The following TFR2 variants were observed in gnomAD, a reference collection of about 807,000 sequenced individuals.
TFR2 encodes the protein transferrin receptor protein 2.
A neutral mutation model predicts 91.9 loss-of-function variants in TFR2; 64 were observed. That is an observed-to-expected ratio of 0.70 (90% CI 0.57 to 0.86). The LOEUF is 0.86. TFR2 is among the 40% of genes least tolerant of loss of function. The pLI, the probability that TFR2 is intolerant of heterozygous loss-of-function variation, is 0.00. For missense variants in TFR2, 950 were observed against 1,080.5 expected, an observed-to-expected ratio of 0.88 and a Z score of 1.69; for synonymous variants, 454 against 459.6, an observed-to-expected ratio of 0.99 and a Z score of 0.15.
At chr7:100,632,937 C>A in intron 6 of TFR2, 64 bp downstream of exon 6, 1 of 1,613,130 alleles carries the variant, frequency 6.2e-7, no homozygotes, top group Non-Finnish European at 8.5e-7. Context: ...CTGAACGATT[C>A]TCACTGGCAG....
At position 100,627,279 on chromosome 7, in the gene TFR2, G is replaced by T. The variant is rs1209127610; in HGVS notation, c.1980C>A (p.Phe660Leu). Residue 660 changes from phenylalanine to leucine, a missense_variant, in exon 16 of 18, where the codon TTC (phenylalanine) becomes TTA (leucine). Physicochemically the swap from Phe to Leu is conservative, Grantham distance 22. Transcript: ENST00000223051. ...VLRHIGNLNE[F>L]SGDLKARGLT... ...CCTCTTGAACCTTGAGGTCCCCAGA[G>T]AACTCGTTGAGGTTCCCGATGTGCC... 1.3e-6 allele frequency: 2 copies of T among 1,549,206 alleles called. No individual in the cohort carries two copies. Among genetic ancestry groups the T allele is most frequent in the Non-Finnish European group, 1.7e-6 (2 of 1,146,766 alleles).
chr7:100,623,887 CAAAAA>C (rs36052130), intron 17 of TFR2, among the ~76,000 whole-genome samples: 33 of 96,456 alleles, frequency 3.4e-4, no homozygotes, highest in East Asian at 6.3e-4. Context: ...CCTTCTCTAC[CAAAAA>C]AAAAAAAAAA....
rs78509411 is a variant in TFR2 at position 100,631,996 on chromosome 7, A to G, written c.967-51T>C. On this transcript the variant is annotated intron_variant, in intron 7 of 17. Coordinates refer to ENST00000223051, the MANE Select transcript of TFR2 (RefSeq NM_003227.4). ...AAGCTGCGAGCTGGGCTTCCAGGAA[A>G]AACGAAAAACATGCCAGCCCTATTC... 169 of 1,614,080 alleles carry G rather than the reference A, an allele frequency of 1.0e-4. No individual in the cohort carries two copies. The East Asian group carries it at 3.7e-3, about 35-fold the overall frequency.
Position 100,626,798 on chromosome 7 carries a change from G to T in TFR2, c.2101C>A (p.Arg701=), listed in dbSNP as rs946552921. The part of the protein sequence containing the change: ...EIYSSEERDE[R]LTRMYNVRIM... ...CGCACGTTGTACATGCGTGTCAGTCGCTCGTCTCTCTCCTCCGAGCTGTAG... is the reference window on the plus strand; with the variant it reads ...CGCACGTTGTACATGCGTGTCAGTCTCTCGTCTCTCTCCTCCGAGCTGTAG... The change falls in exon 17 of 18, where the codon CGA becomes AGA. Residue 701 remains arginine (R), a synonymous_variant. Transcript: ENST00000223051. 58 of 1,548,268 alleles carry T rather than the reference G, an allele frequency of 3.7e-5. No homozygotes were observed. The highest frequency in any genetic ancestry group is 6.8e-5 in the African/African-American group (5 of 73,036).
rs767397462 is a variant in TFR2 at position 100,633,102 on chromosome 7, A to G, written c.748T>C (p.Tyr250His). ...NVTGELVYAH[Y>H]GRPEDLQDLR... Reference sequence around the variant, plus strand: ...TCCTGCAGGTCTTCGGGCCGCCCGTAGTGGGCGTACACCAGCTCTCCCTGG... The same window carrying G: ...TCCTGCAGGTCTTCGGGCCGCCCGTGGTGGGCGTACACCAGCTCTCCCTGG... Residue 250 changes from tyrosine to histidine, a missense_variant, in exon 6 of 18, where the codon TAC (tyrosine) becomes CAC (histidine). Transcript: ENST00000223051. 7 of 1,613,488 alleles carry G rather than the reference A, an allele frequency of 4.3e-6. No homozygotes were observed. The highest frequency in any genetic ancestry group is 5.1e-6 in the Non-Finnish European group (6 of 1,179,910).
At chr7:100,637,941 C>T (rs1252907151) in intron 3 of TFR2, among the ~76,000 whole-genome samples, 4 of 151,842 alleles carry the variant, frequency 2.6e-5, no homozygotes, top group African/African-American at 9.7e-5. Flanking sequence ...AAGCGATTCT[C>T]CTGCTTCAGC....
intron 16 of TFR2, 82 bp from the exon 17 acceptor site, chr7:100,626,985 C>T (rs1348981453): frequency 6.7e-7 from 1 of 1,482,046 alleles, no homozygotes; most frequent in Non-Finnish European, 8.9e-7. Flanking sequence ...CCCCGCCTAG[C>T]ATGGGGAAGG....
chr7:100,641,354 G>GGGGGGGGGGGGGGGGC, intron 1 of TFR2, 123 bp downstream of exon 1: 3 of 570,578 alleles, frequency 5.3e-6, no homozygotes, highest in Admixed American at 2.3e-5. Flanking sequence ...TGGGGGAGGG[G>GGGGGGGGGGGGGGGGC]CAGGGGTGGG....
Position 100,631,305 on chromosome 7 carries a change from CTTTTTTTTTT to C in TFR2, c.1107-263_1107-254del, listed in dbSNP as rs542161282. The stretch of plus-strand genomic sequence containing the variant: ...AGGCTGTGTCCATCCAGAAGAGTCA[CTTTTTTTTTT>C]TTTTTTTTTTTTTTTAAAGAGTCAG... On this transcript the variant is annotated intron_variant, in intron 8 of 17. Coordinates refer to ENST00000223051, the MANE Select transcript of TFR2 (RefSeq NM_003227.4). 1.5e-3 allele frequency among the ~76,000 whole-genome samples: 140 copies of C among 95,698 alleles called. 3 individuals are homozygous for C. Among genetic ancestry groups the C allele is most frequent in the South Asian group, 2.8e-3 (7 of 2,492 alleles). 62.8% of individuals were successfully genotyped at this position (95,698 alleles called of 152,430 possible). A position where few individuals can be genotyped will look rare whatever the true frequency, so the allele number is the denominator to read the frequency against.
intron 17 of TFR2, among the ~76,000 whole-genome samples, chr7:100,625,032 G>A (rs933495032): frequency 2.7e-5 from 4 of 150,746 alleles, no homozygotes; most frequent in East Asian, 1.9e-4. Context: ...CTGAGCCTGA[G>A]TCATGCATCT....
At chr7:100,632,306 G>A (rs2131318958) in intron 6 of TFR2, 108 bp from the exon 7 acceptor site, 4 of 1,048,102 alleles carry the variant, frequency 3.8e-6, no homozygotes, top group East Asian at 2.4e-5. Context: ...TCCATCCCAC[G>A]GAGAGGATGT....
At chr7:100,632,737 CCTT>C (rs1562841798) in intron 6 of TFR2, 6 of 314,954 alleles carry the variant, frequency 1.9e-5, no homozygotes, top group Middle Eastern at 1.1e-3. Context: ...AAAAAAAGAA[CCTT>C]TTTTTTTTTT....
chr7:100,626,963 G>A, intron 16 of TFR2, 60 bp from the exon 17 acceptor site: 2 of 1,509,670 alleles, frequency 1.3e-6, no homozygotes, highest in Non-Finnish European at 1.8e-6. Context: ...CGCCTAGCAT[G>A]GGGACAAGGA....
At chr7:100,629,653 G>A (rs1183758139) in intron 9 of TFR2, among the ~76,000 whole-genome samples, 1 of 152,140 alleles carries the variant, frequency 6.6e-6, no homozygotes, top group Non-Finnish European at 1.5e-5. Context: ...AAACTCCCTG[G>A]CTCAAGCCAT....
chr7:100,630,794 G>T, intron 9 of TFR2, 95 bp downstream of exon 9: 1 of 1,565,698 alleles, frequency 6.4e-7, no homozygotes, highest in Non-Finnish European at 8.7e-7. Context: ...CCCTCTTGGG[G>T]CCTCCTGCAC....
intron 17 of TFR2, among the ~76,000 whole-genome samples, chr7:100,624,735 T>C (rs957687962): frequency 2.6e-5 from 4 of 151,988 alleles, no homozygotes; most frequent in African/African-American, 4.8e-5. Flanking sequence ...AGTGTGGTAG[T>C]GTGTCCTTGT....
Position 100,627,366 on chromosome 7 carries a change from G to A in TFR2, c.1893C>T (p.Ile631=). ...GCAGCAGGCGATCGTGGCTGAGCCG[G>A]ATGAGGAGCTGCCCTGCGAGCTGGG... ...AVAQLAGQLL[I]RLSHDRLLPL... Residue 631 remains isoleucine (I), a synonymous_variant, in exon 16 of 18, where the codon ATC becomes ATT. Coordinates refer to ENST00000223051, the MANE Select transcript of TFR2 (RefSeq NM_003227.4). 6.4e-7 allele frequency: 1 copy of A among 1,553,854 alleles called. No individual in the cohort carries two copies.
At chr7:100,633,604 A>G in intron 3 of TFR2, 48 bp from the exon 4 acceptor site, 1 of 1,473,456 alleles carries the variant, frequency 6.8e-7, no homozygotes, top group Non-Finnish European at 9.1e-7. Flanking sequence ...GAGGAGAGGG[A>G]GGGAAGAGGG....
chr7:100,631,708 A>C, intron 8 of TFR2, 98 bp downstream of exon 8: 1 of 1,513,760 alleles, frequency 6.6e-7, no homozygotes, highest in Non-Finnish European at 8.9e-7. Flanking sequence ...CTTAAACAAG[A>C]GTCACCTTTT....
Sources: gnomAD v4.1 joint callset for allele counts (sites outside exome capture counted in the v4.1 genomes callset) on GRCh38, gnomAD v4.1.1 for gene constraint, MANE v1.5 for transcripts, NCBI Gene and HGNC (gene_info 2026-07-23, HGNC 2026-07-21) for gene names.